Variants in CD53 observed in about 807,000 individuals in gnomAD.
CD53 encodes CD53 molecule, also known as leukocyte surface antigen CD53.
Under a neutral mutation model 27.3 loss-of-function variants are expected in CD53, and 20 were observed. That is an observed-to-expected ratio of 0.73 (90% CI 0.52 to 1.07). The LOEUF (loss-of-function observed/expected upper bound fraction) is 1.07. CD53 is among the 50% of genes least tolerant of loss of function. CD53 has a pLI of 0.00. For synonymous variants in CD53, 106 were observed against 105.3 expected (o/e 1.01, Z -0.04); for missense variants, 216 against 264.0 (o/e 0.82, Z 1.26).
intron 1 of CD53, among the ~76,000 whole-genome samples, 183 bp downstream of exon 1, chr1:110,873,431 C>T (rs1656022160): frequency 6.6e-6 from 1 of 152,160 alleles, no homozygotes; most frequent in Non-Finnish European, 1.5e-5. Context: ...GGCAATCAGG[C>T]CAGAAATACT....
At chr1:110,879,489 T>A (rs1224900278) in intron 1 of CD53, among the ~76,000 whole-genome samples, 1 of 151,228 alleles carries the variant, frequency 6.6e-6, no homozygotes, top group Non-Finnish European at 1.5e-5. Context: ...ACTAGGTTTG[T>A]AGTTATATAA....
chr1:110,891,282 C>T, intron 1 of CD53, 110 bp from the exon 2 acceptor site: 1 of 759,268 alleles, frequency 1.3e-6, no homozygotes, highest in Non-Finnish European at 2.3e-6. Flanking sequence ...CAGAGGAGAG[C>T]CACAGCTCAA....
chr1:110,888,328 C>A (rs377249400), intron 1 of CD53, among the ~76,000 whole-genome samples: 1 of 152,182 alleles, frequency 6.6e-6, no homozygotes, highest in African/African-American at 2.4e-5. Context: ...TTGTACATTG[C>A]GGTGTCCTGT....
At chr1:110,887,074 T>TTTATTTTATTTTATTTTATTTTATTTTA (rs1193802204) in intron 1 of CD53, among the ~76,000 whole-genome samples, 45 of 151,718 alleles carry the variant, frequency 3.0e-4, no homozygotes, top group African/African-American at 1.1e-3. Flanking sequence ...TTTATTTTAT[T>TTTATTTTATTTTATTTTATTTTATTTTA]TTATTTTGAG....
intron 1 of CD53, among the ~76,000 whole-genome samples, chr1:110,890,708 G>A (rs959384326): frequency 2.0e-5 from 3 of 152,106 alleles, no homozygotes; most frequent in Non-Finnish European, 4.4e-5. Flanking sequence ...TATTCTAGTT[G>A]AAAAAAATAA....
intron 7 of CD53, 89 bp downstream of exon 7, chr1:110,897,981 A>T: frequency 1.6e-6 from 1 of 640,434 alleles, no homozygotes; most frequent in Non-Finnish European, 2.7e-6. Flanking sequence ...CAGTATTTAC[A>T]CAATAAATGT....
At chr1:110,887,725 A>T (rs1656684633) in intron 1 of CD53, among the ~76,000 whole-genome samples, 1 of 152,062 alleles carries the variant, frequency 6.6e-6, no homozygotes, top group Non-Finnish European at 1.5e-5. Context: ...TTCCAGTCTG[A>T]CTGGTGGGAA....
intron 7 of CD53, 64 bp downstream of exon 7, chr1:110,897,956 A>G (rs1657134036): frequency 2.3e-6 from 2 of 872,106 alleles, no homozygotes; most frequent in South Asian, 2.9e-5. Context: ...AGATTTCAGA[A>G]TAATACCAGG....
At chr1:110,874,486 G>C (rs1420165901) in intron 1 of CD53, among the ~76,000 whole-genome samples, 2 of 152,138 alleles carry the variant, frequency 1.3e-5, no homozygotes, top group Admixed American at 6.5e-5. Flanking sequence ...CATACTATGC[G>C]TGTGCTTTGG....
chr1:110,895,388 A>T (rs1038733650), intron 5 of CD53, among the ~76,000 whole-genome samples: 1 of 152,214 alleles, frequency 6.6e-6, no homozygotes, highest in African/African-American at 2.4e-5. Flanking sequence ...AACACAAGAA[A>T]TTGCCATTGA....
chr1:110,895,740 A>T (rs186303462), intron 5 of CD53, among the ~76,000 whole-genome samples: 1 of 152,204 alleles, frequency 6.6e-6, no homozygotes, highest in East Asian at 1.9e-4. Context: ...TTTTTATTAC[A>T]TAATTTTTAG....
At chr1:110,882,459 G>T (rs1191679067) in intron 1 of CD53, among the ~76,000 whole-genome samples, 1 of 151,876 alleles carries the variant, frequency 6.6e-6, no homozygotes, top group African/African-American at 2.4e-5. Context: ...GTGCTATCCT[G>T]TCTTTATTGT....
Position 110,894,221 on chromosome 1 carries a change from G to A in CD53, c.253-106G>A. The A allele has an allele frequency of 2.2e-6, 2 of 913,204 alleles. 1 individual carries two copies. Among genetic ancestry groups the A allele is most frequent in the Middle Eastern group, 4.3e-4 (2 of 4,604 alleles). The allele number at this position is 913,204 out of a possible 1,614,324, so 56.6% of individuals were successfully genotyped here. A position where few individuals can be genotyped will look rare whatever the true frequency, so the allele number is the denominator to read the frequency against. On this transcript the variant is annotated intron_variant, in intron 3 of 7. Coordinates refer to ENST00000271324, the MANE Select transcript of CD53 (RefSeq NM_000560.4). ...TACAACGGCCTGAGGAGGCAGAACA[G>A]GAACACCCTGTACTCGTGCAAATGC...
At chr1:110,889,425 G>A (rs899775082) in intron 1 of CD53, among the ~76,000 whole-genome samples, 5 of 152,124 alleles carry the variant, frequency 3.3e-5, no homozygotes, top group African/African-American at 9.7e-5. Context: ...CGGGCGTGGT[G>A]ACGGGCGCCT....
At position 110,899,249 on chromosome 1, in the gene CD53, C is replaced by A; in HGVS notation, c.*54C>A. The A allele has an allele frequency of 8.0e-7, 1 of 1,255,534 alleles. No homozygotes were observed. The highest frequency in any genetic ancestry group is 1.2e-6 in the Non-Finnish European group (1 of 854,790). The allele number at this position is 1,255,534 out of a possible 1,614,324, so 77.8% of individuals were successfully genotyped here. On this transcript the variant is annotated 3_prime_UTR_variant, in exon 8 of 8. Transcript: ENST00000271324. ...TGTTTCATCTCCGGAAATGCAAAAC[C>A]ATTTATAGCATGAAGCCCTACATGA...
At chr1:110,871,447 C>T (rs903376224), upstream of CD53, among the ~76,000 whole-genome samples, 1 of 151,912 alleles carries the variant, frequency 6.6e-6, no homozygotes, top group East Asian at 1.9e-4. Context: ...TCAGGCCTTT[C>T]CTGGATGGTG....
Position 110,897,894 on chromosome 1 carries a change from TA to T in CD53, c.588+4del. 1 of 1,575,616 alleles carries T rather than the reference TA, an allele frequency of 6.3e-7. No homozygotes were observed. On this transcript the variant is annotated splice_donor_region_variant and intron_variant, in intron 7 of 7. Coordinates refer to ENST00000271324, the MANE Select transcript of CD53 (RefSeq NM_000560.4). ...ACCATCTGTGTATGTGTGATTGAGG[TA>T]AGAGCTTAACCACAGGGTTATTGTG... is the stretch of plus-strand genomic sequence containing the variant.
chr1:110,894,891 G>A (rs867914058), intron 4 of CD53, 69 bp from the exon 5 acceptor site: 1 of 1,213,670 alleles, frequency 8.2e-7, no homozygotes, highest in Non-Finnish European at 1.2e-6. Context: ...AACCTATACT[G>A]GAAATTCCTT....
intron 1 of CD53, among the ~76,000 whole-genome samples, chr1:110,878,548 T>C (rs1203853043): frequency 6.6e-6 from 1 of 152,244 alleles, no homozygotes; most frequent in East Asian, 1.9e-4. Flanking sequence ...CTTTTCTTTA[T>C]TTTTTAAATG....
Sources: gnomAD v4.1 joint callset for allele counts (sites outside exome capture counted in the v4.1 genomes callset) on GRCh38, gnomAD v4.1.1 for gene constraint, MANE v1.5 for transcripts, NCBI Gene and HGNC (gene_info 2026-07-23, HGNC 2026-07-21) for gene names.